The following DYNC2I1 variants were observed in gnomAD, a reference collection of about 807,000 sequenced individuals.
DYNC2I1 encodes dynein 2 intermediate chain 1, also known as cytoplasmic dynein 2 intermediate chain 1.
DYNC2I1 carries 89 observed loss-of-function variants against 133.4 expected under a neutral mutation model. That is an observed-to-expected ratio of 0.67 (90% CI 0.56 to 0.80). DYNC2I1 has a LOEUF of 0.80. DYNC2I1 is among the 30% of genes least tolerant of loss of function. The pLI is 0.00. For synonymous variants in DYNC2I1, 504 were observed against 484.3 expected (o/e 1.04, Z -0.54); for missense variants, 1,291 against 1,314.5 (o/e 0.98, Z 0.28).
chr7:158,880,408 G>A (rs1250427102), intron 5 of DYNC2I1, among the ~76,000 whole-genome samples: 1 of 152,016 alleles, frequency 6.6e-6, no homozygotes, highest in African/African-American at 2.4e-5. Flanking sequence ...ATGGTGGTAG[G>A]TGCCTATAGT....
chr7:158,940,647 C>T (rs1357222218), intron 23 of DYNC2I1, among the ~76,000 whole-genome samples: 1 of 152,152 alleles, frequency 6.6e-6, no homozygotes, highest in Non-Finnish European at 1.5e-5. Flanking sequence ...TTATGATTAT[C>T]ATGGAATAGA....
At chr7:158,846,167 G>A in the DYNC2I1 span, among the ~76,000 whole-genome samples, 1 of 152,202 alleles carries the variant, frequency 6.6e-6, no homozygotes, top group Non-Finnish European at 1.5e-5. Flanking sequence ...GCTGAGGCAG[G>A]AGAATCGCTT....
At chr7:158,927,429 A>G (rs1362840002) in intron 20 of DYNC2I1, among the ~76,000 whole-genome samples, 7 of 151,884 alleles carry the variant, frequency 4.6e-5, no homozygotes, top group Non-Finnish European at 1.0e-4. Flanking sequence ...AAAAGATACC[A>G]ATAACTGCTT....
chr7:158,884,478 T>C, intron 5 of DYNC2I1, 86 bp from the exon 6 acceptor site: 1 of 1,283,584 alleles, frequency 7.8e-7, no homozygotes, highest in Non-Finnish European at 1.1e-6. Context: ...TTTGAATCTG[T>C]GCTTGTTTTG....
At chr7:158,936,717 A>G (rs553170172) in intron 23 of DYNC2I1, among the ~76,000 whole-genome samples, 1 of 152,224 alleles carries the variant, frequency 6.6e-6, no homozygotes, top group South Asian at 2.1e-4. Context: ...ACCATGCTCC[A>G]GGAGGTTTAT....
the DYNC2I1 span, among the ~76,000 whole-genome samples, chr7:158,850,688 T>C: frequency 6.6e-6 from 1 of 152,226 alleles, no homozygotes; most frequent in Non-Finnish European, 1.5e-5. Context: ...CCTGTGGGCC[T>C]TCCCAATGAT....
rs1045646527 is a variant in DYNC2I1, at chr7:158,871,570, C to G, written c.490+8C>G. 1.5e-5 allele frequency: 23 copies of G among 1,519,486 alleles called. No homozygotes were observed. Among genetic ancestry groups the G allele is most frequent in the Non-Finnish European group, 1.6e-5 (18 of 1,139,776 alleles). The allele number at this position is 1,519,486 out of a possible 1,614,324, so 94.1% of individuals were successfully genotyped here. A position where few individuals can be genotyped will look rare whatever the true frequency, so the allele number is the denominator to read the frequency against. ...AGAGGAAAGGCCGCTCAGGTGGGTC[C>G]CCGCTTGCCTTCCTGTGGTTCCACC... On this transcript the variant is annotated splice_region_variant and intron_variant, in intron 3 of 24. Coordinates refer to ENST00000407559, the MANE Select transcript of DYNC2I1 (RefSeq NM_018051.5).
intron 21 of DYNC2I1, among the ~76,000 whole-genome samples, 171 bp from the exon 22 acceptor site, chr7:158,933,957 AT>A (rs1184089655): frequency 7.2e-5 from 11 of 152,386 alleles, no homozygotes; most frequent in African/African-American, 2.6e-4. Context: ...TGAAAAAATT[AT>A]CAAGAGTGTA....
intron 8 of DYNC2I1, among the ~76,000 whole-genome samples, chr7:158,900,705 C>T (rs1846153505): frequency 6.6e-6 from 1 of 151,076 alleles, no homozygotes; most frequent in African/African-American, 2.4e-5. Context: ...TTGCAGTTGT[C>T]CCACAGTTCT....
chr7:158,943,665 A>G (rs1052478211), intron 24 of DYNC2I1, among the ~76,000 whole-genome samples: 1 of 152,066 alleles, frequency 6.6e-6, no homozygotes, highest in Non-Finnish European at 1.5e-5. Flanking sequence ...TCTGTGTGTG[A>G]TGGACTCCAA....
intron 12 of DYNC2I1, among the ~76,000 whole-genome samples, chr7:158,912,462 AT>A (rs988365232): frequency 6.6e-6 from 1 of 152,052 alleles, no homozygotes; most frequent in African/African-American, 2.4e-5. Flanking sequence ...AAATTTTTAA[AT>A]TTTTTTTAAG....
downstream of DYNC2I1, among the ~76,000 whole-genome samples, chr7:158,948,458 G>A (rs577449495): frequency 3.3e-5 from 5 of 152,346 alleles, no homozygotes; most frequent in East Asian, 1.9e-4. Context: ...GTTACCTCAC[G>A]TGTGGTTATT....
At chr7:158,926,793 G>A (rs1410067916) in intron 19 of DYNC2I1, among the ~76,000 whole-genome samples, 199 bp from the exon 20 acceptor site, 1 of 152,224 alleles carries the variant, frequency 6.6e-6, no homozygotes, top group East Asian at 1.9e-4. Context: ...GTCACCAAGT[G>A]AAGAGAACAC....
At chr7:158,872,238 C>T (rs1842954723) in intron 3 of DYNC2I1, among the ~76,000 whole-genome samples, 2 of 152,032 alleles carry the variant, frequency 1.3e-5, no homozygotes, top group Admixed American at 6.5e-5. Context: ...ATCCCTTGAG[C>T]CCAGGAGGTC....
chr7:158,850,006 C>T, the DYNC2I1 span, among the ~76,000 whole-genome samples: 1 of 152,162 alleles, frequency 6.6e-6, no homozygotes, highest in African/African-American at 2.4e-5. Context: ...AATCAATCTG[C>T]CTCCCACTGC....
At chr7:158,906,521 C>T (rs554885544) in intron 11 of DYNC2I1, among the ~76,000 whole-genome samples, 34 of 152,236 alleles carry the variant, frequency 2.2e-4, no homozygotes, top group African/African-American at 6.3e-4. Flanking sequence ...TGCAATGGCA[C>T]GATCTTGGCT....
At chr7:158,941,616 T>C (rs1851371577) in intron 23 of DYNC2I1, among the ~76,000 whole-genome samples, 1 of 152,210 alleles carries the variant, frequency 6.6e-6, no homozygotes, top group Non-Finnish European at 1.5e-5. Context: ...GCATGATGGC[T>C]CACACCTGTA....
intron 3 of DYNC2I1, among the ~76,000 whole-genome samples, chr7:158,875,091 C>CTTTTTT (rs35170585): frequency 9.0e-6 from 1 of 110,592 alleles, no homozygotes; most frequent in African/African-American, 3.5e-5. Flanking sequence ...TGGTAAATGC[C>CTTTTTT]TTTTTTTTTT....
intron 8 of DYNC2I1, 134 bp downstream of exon 8, chr7:158,891,467 G>A (rs1375559100): frequency 3.2e-6 from 3 of 939,138 alleles, no homozygotes; most frequent in East Asian, 2.4e-5. Flanking sequence ...GAGCATGAAG[G>A]GACAGATGAG....
Sources: gnomAD v4.1 joint callset for allele counts (sites outside exome capture counted in the v4.1 genomes callset) on GRCh38, gnomAD v4.1.1 for gene constraint, MANE v1.5 for transcripts, NCBI Gene and HGNC (gene_info 2026-07-23, HGNC 2026-07-21) for gene names.